The following SLC17A5 variants were observed in gnomAD, a reference collection of about 807,000 sequenced individuals.
The protein encoded by SLC17A5 is sialin.
Under a neutral mutation model 59.4 loss-of-function variants are expected in SLC17A5, and 47 were observed. The observed-to-expected ratio is 0.79, with a 90% CI of 0.63 to 1.01. The LOEUF is 1.01. SLC17A5 is among the 50% of genes least tolerant of loss of function. The probability of loss-of-function intolerance (pLI) is 0.00; values close to 1 mark genes in which losing one functional copy is unlikely to be tolerated. For synonymous variants in SLC17A5, 202 were observed against 210.7 expected (o/e 0.96, Z 0.36); for missense variants, 522 against 595.5 (o/e 0.88, Z 1.28).
At chr6:73,644,733 A>G in intron 1 of SLC17A5, 130 bp from the exon 2 acceptor site, 1 of 814,176 alleles carries the variant, frequency 1.2e-6, no homozygotes, top group Non-Finnish European at 2.0e-6. Flanking sequence ...CAGCCTCCCA[A>G]AGTGCTGTGA....
chr6:73,639,234 A>C lies in SLC17A5; in HGVS notation c.526-735T>G, dbSNP rs1056319284. ...GGTAAATGAGGAGATACCACAGGAC[A>C]GTGAGAGAGAACGGCTCTCCTTGGA... On this transcript the variant is annotated intron_variant, in intron 3 of 10. Transcript: ENST00000355773. 5.3e-5 allele frequency among the ~76,000 whole-genome samples: 8 copies of C among 152,342 alleles called. No individual in the cohort carries two copies. The South Asian group carries it at 6.2e-4, about 12-fold the overall frequency.
intron 5 of SLC17A5, among the ~76,000 whole-genome samples, chr6:73,636,136 G>A (rs1768982581): frequency 6.6e-6 from 1 of 151,996 alleles, no homozygotes; most frequent in Non-Finnish European, 1.5e-5. Context: ...ATTTCCAAAG[G>A]TGTCTGTTTT....
At chr6:73,638,527 A>C in intron 3 of SLC17A5, 28 bp from the exon 4 acceptor site, 1 of 1,545,694 alleles carries the variant, frequency 6.5e-7, no homozygotes, top group South Asian at 1.1e-5. Context: ...GATATTTCTG[A>C]TGAAATGTAA....
rs372477546 is a variant in SLC17A5 at position 73,610,511 on chromosome 6, C to G, written c.1148G>C (p.Gly383Ala). 1.1e-4 allele frequency: 172 copies of G among 1,613,930 alleles called. No homozygotes were observed. The highest frequency in any genetic ancestry group is 1.4e-4 in the Non-Finnish European group (169 of 1,180,012). ...CAAAGAATAATCACAGCCAATGAAG[C>G]CAGCAGCTACCAGGAATACTGCAGG... ...IGPAVFLVAA[G>A]FIGCDYSLAV... The change falls in exon 9 of 11, where the codon GGC (glycine) becomes GCC (alanine). Residue 383 changes from glycine (G) to alanine (A), a missense_variant. Physicochemically the swap from Gly to Ala is moderately conservative, Grantham distance 60. Coordinates refer to ENST00000355773, the MANE Select transcript of SLC17A5 (RefSeq NM_012434.5).
At chr6:73,613,290 A>G (rs1365889888) in intron 8 of SLC17A5, among the ~76,000 whole-genome samples, 2 of 152,208 alleles carry the variant, frequency 1.3e-5, no homozygotes, top group Non-Finnish European at 2.9e-5. Context: ...AGTGATATAT[A>G]AAATTGTGAG....
At chr6:73,649,069 C>T (rs1323730155) in intron 1 of SLC17A5, among the ~76,000 whole-genome samples, 1 of 151,502 alleles carries the variant, frequency 6.6e-6, no homozygotes, top group Admixed American at 6.6e-5. Context: ...ACAATCTCAG[C>T]TCACTGCAAC....
At chr6:73,632,963 G>T (rs7764983) in intron 6 of SLC17A5, among the ~76,000 whole-genome samples, 24,385 of 151,180 alleles carry the variant, frequency 0.16, 3,053 homozygotes, top group African/African-American at 0.34. Context: ...ATTAACATCA[G>T]GTAGGACTCT....
chr6:73,597,153 C>T (rs1388177084), intron 10 of SLC17A5, among the ~76,000 whole-genome samples: 1 of 149,456 alleles, frequency 6.7e-6, no homozygotes, highest in Non-Finnish European at 1.5e-5. Flanking sequence ...AAGAGTGAAA[C>T]TCCGTCTCAA....
intron 7 of SLC17A5, among the ~76,000 whole-genome samples, chr6:73,617,956 G>A (rs10943111): frequency 0.056 from 8,454 of 149,826 alleles, 417 homozygotes; most frequent in Admixed American, 0.16. Context: ...TTTTGCAGGC[G>A]CATTGGCTCA....
At chr6:73,603,785 A>G (rs588852) in intron 9 of SLC17A5, among the ~76,000 whole-genome samples, 16,332 of 152,060 alleles carry the variant, frequency 0.11, 1,056 homozygotes, top group Middle Eastern at 0.18. Context: ...GACTTTGAAG[A>G]TTGTATCTCT....
At chr6:73,651,032 C>T (rs972499535) in intron 1 of SLC17A5, among the ~76,000 whole-genome samples, 1 of 151,932 alleles carries the variant, frequency 6.6e-6, no homozygotes, top group Non-Finnish European at 1.5e-5. Context: ...TGTTAAAGGA[C>T]AACATAAGGA....
chr6:73,622,039 T>C, intron 6 of SLC17A5, 77 bp from the exon 7 acceptor site: 1 of 1,408,342 alleles, frequency 7.1e-7, no homozygotes, highest in East Asian at 2.3e-5. Flanking sequence ...GCTAAAACTC[T>C]ATCCAGAATT....
intron 8 of SLC17A5, 25 bp from the exon 9 acceptor site, chr6:73,610,572 G>GA: frequency 1.2e-6 from 2 of 1,612,666 alleles, no homozygotes; most frequent in South Asian, 2.2e-5. Context: ...TTATAAAAGG[G>GA]AAAAAACACC....
intron 6 of SLC17A5, among the ~76,000 whole-genome samples, chr6:73,630,840 A>T (rs1041423308): frequency 6.6e-6 from 1 of 152,144 alleles, no homozygotes; most frequent in African/African-American, 2.4e-5. Flanking sequence ...TGAGGTTGGG[A>T]GTTCGAGACC....
chr6:73,626,003 C>A (rs1456850520), intron 6 of SLC17A5, among the ~76,000 whole-genome samples: 4 of 152,148 alleles, frequency 2.6e-5, no homozygotes, highest in Non-Finnish European at 5.9e-5. Context: ...TGGAACATAG[C>A]TCTTTTTATA....
intron 8 of SLC17A5, 76 bp from the exon 9 acceptor site, chr6:73,610,623 G>T: frequency 6.6e-7 from 1 of 1,517,570 alleles, no homozygotes; most frequent in South Asian, 1.1e-5. Flanking sequence ...GTATAAATCT[G>T]AAATTTGAAA....
intron 8 of SLC17A5, among the ~76,000 whole-genome samples, chr6:73,613,747 T>C (rs1767731560): frequency 6.6e-6 from 1 of 152,226 alleles, no homozygotes; most frequent in Admixed American, 6.5e-5. Flanking sequence ...CATAGTGTTT[T>C]GTTATGTGAA....
intron 3 of SLC17A5, 137 bp downstream of exon 3, chr6:73,641,554 C>T (rs1769285279): frequency 1.5e-6 from 1 of 679,976 alleles, no homozygotes; most frequent in African/African-American, 1.8e-5. Flanking sequence ...TCTAGTTAGT[C>T]CTTTCTCTAA....
chr6:73,625,467 G>A (rs759245953), intron 6 of SLC17A5, among the ~76,000 whole-genome samples: 13 of 152,144 alleles, frequency 8.5e-5, no homozygotes, highest in East Asian at 3.8e-4. Flanking sequence ...GATTACAAGC[G>A]TGAGCCAGTG....
Sources: gnomAD v4.1 joint callset for allele counts (sites outside exome capture counted in the v4.1 genomes callset) on GRCh38, gnomAD v4.1.1 for gene constraint, MANE v1.5 for transcripts, NCBI Gene and HGNC (gene_info 2026-07-23, HGNC 2026-07-21) for gene names.